The following FAM153A variants were observed in gnomAD, a reference collection of about 807,000 sequenced individuals.
FAM153A encodes family with sequence similarity 153 member A, also known as protein FAM153A.
A neutral mutation model predicts 48.1 loss-of-function variants in FAM153A; 12 were observed. The ratio of observed to expected loss-of-function variants is 0.25; its 90% CI spans 0.16 to 0.40. The LOEUF (loss-of-function observed/expected upper bound fraction) is 0.40. Ranked by LOEUF, FAM153A falls within the 10% of genes least tolerant of loss-of-function variation. The probability of loss-of-function intolerance (pLI) is 1.00; values close to 1 mark genes in which losing one functional copy is unlikely to be tolerated. For missense variants in FAM153A, 111 were observed against 345.8 expected (o/e 0.32, Z 5.38); for synonymous variants, 36 against 118.2 (o/e 0.30, Z 4.51).
downstream of FAM153A, among the ~76,000 whole-genome samples, chr5:177,719,077 T>C (rs1232092469): frequency 2.0e-5 from 3 of 150,632 alleles, no homozygotes; most frequent in African/African-American, 7.4e-5. Context: ...AGAAATGGGG[T>C]TGTCCCATGT....
At chr5:177,705,658 C>CTTTTTTTTTTTTTTTTT (rs70994931), downstream of FAM153A, among the ~76,000 whole-genome samples, 1 of 79,822 alleles carries the variant, frequency 1.3e-5, no homozygotes, top group African/African-American at 4.0e-5. Flanking sequence ...TTTTCTTTTT[C>CTTTTTTTTTTTTTTTTT]TTTTTTTTTT....
At chr5:177,708,261 A>G (rs190199806), downstream of FAM153A, among the ~76,000 whole-genome samples, 183 of 135,994 alleles carry the variant, frequency 1.3e-3, 7 homozygotes, top group African/African-American at 4.3e-3. Flanking sequence ...GGTACAGAAT[A>G]TGACCAGGCA....
At chr5:177,734,017 G>A (rs538155603) in intron 14 of FAM153A, among the ~76,000 whole-genome samples, 8 of 114,032 alleles carry the variant, frequency 7.0e-5, no homozygotes, top group African/African-American at 2.4e-4. Flanking sequence ...GGACTGCAAC[G>A]GTGATGGAAA....
At chr5:177,783,012 C>G (rs1769832545), upstream of FAM153A, 1 of 95,066 alleles carries the variant, frequency 1.1e-5, no homozygotes, top group Non-Finnish European at 2.2e-5. Context: ...CTCCTCCTTC[C>G]GAAGAGAGAT....
chr5:177,728,555 T>G (rs962068539), intron 18 of FAM153A, among the ~76,000 whole-genome samples: 2 of 143,334 alleles, frequency 1.4e-5, no homozygotes, highest in Non-Finnish European at 3.0e-5. Context: ...GTTGGGGTGT[T>G]TTTTTTTTTG....
At chr5:177,781,379 C>T (rs1769648192), upstream of FAM153A, among the ~76,000 whole-genome samples, 2 of 144,276 alleles carry the variant, frequency 1.4e-5, no homozygotes, top group Non-Finnish European at 3.0e-5. Context: ...CCTCGGCCTC[C>T]CAAAGTGCTG....
chr5:177,699,387 TAAAGG>T, the FAM153A span, among the ~76,000 whole-genome samples: 2 of 151,378 alleles, frequency 1.3e-5, no homozygotes, highest in Admixed American at 1.3e-4. Context: ...TGGAAAAAAA[TAAAGG>T]AAACCAGAAG....
chr5:177,758,606 T>C (rs1232160992), intron 1 of FAM153A, among the ~76,000 whole-genome samples: 3 of 145,722 alleles, frequency 2.1e-5, no homozygotes, highest in Non-Finnish European at 4.6e-5. Flanking sequence ...CAAAACAGCA[T>C]GGTACTGGTT....
chr5:177,750,747 C>T, intron 2 of FAM153A, among the ~76,000 whole-genome samples: 1 of 114,658 alleles, frequency 8.7e-6, no homozygotes, highest in African/African-American at 3.6e-5. Context: ...TACACCTTTA[C>T]TCCTCTGGTT....
At chr5:177,696,175 C>T in the FAM153A span, among the ~76,000 whole-genome samples, 2 of 123,236 alleles carry the variant, frequency 1.6e-5, no homozygotes, top group Non-Finnish European at 3.4e-5. Flanking sequence ...GCACTCCTCA[C>T]TTCCTAGATG....
chr5:177,715,719 GT>G (rs1481203275), intron 25 of FAM153A, among the ~76,000 whole-genome samples: 1 of 151,620 alleles, frequency 6.6e-6, no homozygotes, highest in Non-Finnish European at 1.5e-5. Flanking sequence ...TTTTTTTTGT[GT>G]TTTAGAGACA....
At chr5:177,706,207 T>C (rs922814763), downstream of FAM153A, among the ~76,000 whole-genome samples, 5 of 151,620 alleles carry the variant, frequency 3.3e-5, no homozygotes, top group African/African-American at 9.8e-5. Context: ...GTTGTTGTTG[T>C]TGTTTTTGAG....
In FAM153A at chr5:177,769,310, T is replaced by A. The variant is rs867409173; in HGVS notation, c.-57+11139A>T. Reference sequence around the variant, plus strand: ...CATTCAAGTAACTTTTATTACAGTATAATTTTTTATTTTATTGTTCATTTC... The same window carrying A: ...CATTCAAGTAACTTTTATTACAGTAAAATTTTTTATTTTATTGTTCATTTC... On this transcript the variant is annotated intron_variant, in intron 1 of 8. Transcript: ENST00000393518. 3.2e-4 allele frequency among the ~76,000 whole-genome samples: 30 copies of A among 94,990 alleles called. 8 individuals carry two copies. In the South Asian group the frequency reaches 0.011, roughly 35 times the overall value. 62.3% of individuals were successfully genotyped at this position (94,990 alleles called of 152,430 possible).
intron 1 of FAM153A, among the ~76,000 whole-genome samples, chr5:177,759,749 G>A (rs1398412414): frequency 6.6e-6 from 1 of 151,142 alleles, no homozygotes; most frequent in African/African-American, 2.5e-5. Context: ...TCACTCATAG[G>A]TGGTAATTGA....
intron 2 of FAM153A, among the ~76,000 whole-genome samples, chr5:177,749,668 T>C (rs1287238891): frequency 2.5e-5 from 3 of 120,686 alleles, no homozygotes; most frequent in African/African-American, 9.7e-5. Context: ...CAAGTGTCTA[T>C]ACCCACAAAT....
chr5:177,701,911 C>CTT, the FAM153A span, among the ~76,000 whole-genome samples: 97 of 144,558 alleles, frequency 6.7e-4, 1 homozygote, highest in African/African-American at 2.3e-3. Flanking sequence ...GCAAAGGTCA[C>CTT]TTTTTTTTTT....
intron 4 of FAM153A, among the ~76,000 whole-genome samples, chr5:177,746,161 G>A (rs564072036): frequency 2.6e-4 from 40 of 151,582 alleles, no homozygotes; most frequent in Non-Finnish European, 4.4e-4. Context: ...ATGTCCATCC[G>A]AGGACTGGGG....
intron 4 of FAM153A, 86 bp downstream of exon 6, chr5:177,747,682 CT>C (rs1305717549): frequency 1.9e-6 from 1 of 528,768 alleles, no homozygotes; most frequent in Non-Finnish European, 3.4e-6. Context: ...ACCAGAGTGG[CT>C]CTCCAGAAAA....
At chr5:177,769,090 G>A (rs188382469) in intron 1 of FAM153A, among the ~76,000 whole-genome samples, 2 of 89,286 alleles carry the variant, frequency 2.2e-5, no homozygotes, top group African/African-American at 4.5e-5. Context: ...AAAAATAGCC[G>A]GGCTTTGTGG....
Sources: allele counts gnomAD v4.1 joint callset (sites outside exome capture counted in the v4.1 genomes callset), GRCh38; gene constraint gnomAD v4.1.1; transcripts MANE v1.5; gene names NCBI Gene and HGNC (gene_info 2026-07-23, HGNC 2026-07-21).